The following PCDHGB4 variants were observed in gnomAD, a reference collection of about 807,000 sequenced individuals.
The protein encoded by PCDHGB4 is protocadherin gamma subfamily B, 4.
Under a neutral mutation model 60.5 loss-of-function variants are expected in PCDHGB4, and 38 were observed. The ratio of observed to expected loss-of-function variants is 0.63; its 90% CI spans 0.48 to 0.82. The LOEUF is 0.82. Ranked by LOEUF, PCDHGB4 falls within the 40% of genes least tolerant of loss-of-function variation. The pLI is 0.00. For synonymous variants in PCDHGB4, 456 were observed against 509.7 expected, an observed-to-expected ratio of 0.89 and a Z score of 1.42; for missense variants, 1,109 against 1,209.6, an observed-to-expected ratio of 0.92 and a Z score of 1.23.
chr5:141,486,869 C>G lies in PCDHGB4; in HGVS notation c.2398-7938C>G. On this transcript the variant is annotated intron_variant, in intron 1 of 3. Transcript: ENST00000519479. This position sits in a 1 kb window ranked among gnomAD's most constrained non-coding sequence, Gnocchi z 5.0. ...CCTCAATGACAATGCTCCAGCTGTG[C>G]TCCGTCCTCGGGCCCGGCCTGGTTC... The G allele has an allele frequency of 6.2e-7, 1 of 1,614,246 alleles. No homozygotes were observed. The highest frequency in any genetic ancestry group is 8.5e-7 in the Non-Finnish European group (1 of 1,180,042).
chr5:141,509,819 C>T (rs1008625658), intron 3 of PCDHGB4, among the ~76,000 whole-genome samples: 3 of 152,154 alleles, frequency 2.0e-5, no homozygotes, highest in African/African-American at 7.2e-5. Context: ...AGCTCTTCTC[C>T]ATCTTCTCTC....
Position 141,389,197 on chromosome 5 carries a change from T to C in PCDHGB4, c.1313T>C (p.Leu438Pro), listed in dbSNP as rs2091642576. 1 of 1,614,010 alleles carries C rather than the reference T, an allele frequency of 6.2e-7. No individual in the cohort carries two copies. Among genetic ancestry groups the C allele is most frequent in the East Asian group, 2.2e-5 (1 of 44,888 alleles). The change falls in exon 1 of 4, where the codon CTG (leucine) becomes CCG (proline). Residue 438 changes from leucine to proline, a missense_variant. Physicochemically the swap from Leu to Pro is moderately conservative, Grantham distance 98 (BLOSUM62 -3). Transcript: ENST00000519479. ...PPLSSSSSIT[L>P]HIGDVNDNAP... ...CTCTCCTCCAGTTCCAGCATCACCCTGCACATTGGTGATGTAAATGACAAC... is the reference window on the plus strand; with the variant it reads ...CTCTCCTCCAGTTCCAGCATCACCCCGCACATTGGTGATGTAAATGACAAC...
chr5:141,455,093 T>C (rs2098812615), intron 1 of PCDHGB4, among the ~76,000 whole-genome samples: 1 of 152,060 alleles, frequency 6.6e-6, no homozygotes, highest in African/African-American at 2.4e-5. Context: ...ATTACAGGCT[T>C]GAGCCACTGC....
chr5:141,433,234 C>T (rs773942024), intron 1 of PCDHGB4: 3 of 1,512,746 alleles, frequency 2.0e-6, no homozygotes, highest in Middle Eastern at 1.8e-4. Flanking sequence ...TGCTCTGTCT[C>T]CCAAGCTGGA....
chr5:141,476,357 C>T lies in PCDHGB4; in HGVS notation c.2398-18450C>T. On this transcript the variant is annotated intron_variant, in intron 1 of 3. Transcript: ENST00000519479. The surrounding 1 kb of genome is among the most constrained non-coding windows in gnomAD (Gnocchi z 7.6). ...TAGCCGAAGATTCTTTGAGGTGAAC[C>T]GGGAGACCGGAGAGATGTTTGTGAA... The T allele has an allele frequency of 6.2e-7, 1 of 1,614,052 alleles. No individual in the cohort carries two copies. The highest frequency in any genetic ancestry group is 2.2e-5 in the East Asian group (1 of 44,854).
At chr5:141,473,033 G>GGAAA (rs1282468299) in intron 1 of PCDHGB4, among the ~76,000 whole-genome samples, 1 of 146,284 alleles carries the variant, frequency 6.8e-6, no homozygotes, top group African/African-American at 2.5e-5. Flanking sequence ...AAGGAAGGAA[G>GGAAA]GAAAGAAAGA....
chr5:141,495,817 T>G (rs2099764054), intron 2 of PCDHGB4, among the ~76,000 whole-genome samples: 1 of 152,110 alleles, frequency 6.6e-6, no homozygotes, highest in African/African-American at 2.4e-5. Context: ...TAGCGCCTTG[T>G]GTTCTTCTAT....
intron 1 of PCDHGB4, chr5:141,427,783 C>T (rs765131117): frequency 1.4e-6 from 2 of 1,460,966 alleles, no homozygotes; most frequent in Non-Finnish European, 1.9e-6. Flanking sequence ...CGGGCACTGT[C>T]GTCCTACGTG....
chr5:141,432,632 G>A lies in PCDHGB4; in HGVS notation c.2397+42351G>A. 3.7e-6 allele frequency: 6 copies of A among 1,612,834 alleles called. No individual in the cohort carries two copies. The highest frequency in any genetic ancestry group is 5.1e-6 in the Non-Finnish European group (6 of 1,179,706). On this transcript the variant is annotated intron_variant, in intron 1 of 3. Coordinates refer to ENST00000519479, the MANE Select transcript of PCDHGB4 (RefSeq NM_003736.4). The surrounding 1 kb of genome is among the most constrained non-coding windows in gnomAD (Gnocchi z 6.0). ...CTTCTCGGTGGGTCTGCACACGGGC[G>A]AGGTGCGCACGGCGCGAGCCCTGCT...
Position 141,511,410 on chromosome 5 carries a change from T to TA in PCDHGB4, c.*238dup. On this transcript the variant is annotated 3_prime_UTR_variant, in exon 4 of 4. Coordinates refer to ENST00000519479, the MANE Select transcript of PCDHGB4 (RefSeq NM_003736.4). ...GGAACCCCCATCCAATCAACTGCTG[T>TA]ACCCATGGGGGTAGTGGGGTTACTG... The TA allele has an allele frequency of 1.1e-6, 1 of 908,822 alleles. No homozygotes were observed. The highest frequency in any genetic ancestry group is 1.6e-6 in the Non-Finnish European group (1 of 624,204). 56.3% of individuals were successfully genotyped at this position (908,822 alleles called of 1,614,324 possible).
At chr5:141,421,184 C>G (rs2096551183) in intron 1 of PCDHGB4, 1 of 1,457,940 alleles carries the variant, frequency 6.9e-7, no homozygotes, top group African/African-American at 1.4e-5. Context: ...CGATTCACAA[C>G]CAACCAGCTC....
intron 1 of PCDHGB4, among the ~76,000 whole-genome samples, chr5:141,482,207 G>T (rs983812650): frequency 6.6e-6 from 1 of 152,130 alleles, no homozygotes; most frequent in East Asian, 1.9e-4. Flanking sequence ...AAACAGACCA[G>T]GTACTTGTTT....
rs762866893 is a variant in PCDHGB4 at position 141,389,080 on chromosome 5, C to G, written c.1196C>G (p.Thr399Arg). ...AAAATATTAACTTCTTCAAGAAACA[C>G]GTATAAATTAGTGACAGATGCTGTT... ...PFKILTSSRN[T>R]YKLVTDAVLD... The change falls in exon 1 of 4, where the codon ACG becomes AGG. Residue 399 changes from threonine (T) to arginine (R), a missense_variant. By Grantham distance (71) the Thr-to-Arg change is moderately conservative (BLOSUM62 -1). Transcript: ENST00000519479. 7 of 1,613,984 alleles carry G rather than the reference C, an allele frequency of 4.3e-6. No individual in the cohort carries two copies. The South Asian group carries it at 5.5e-5, about 13-fold the overall frequency.
At position 141,487,398 on chromosome 5, in the gene PCDHGB4, G is replaced by A. The variant is rs1342197934; in HGVS notation, c.2398-7409G>A. 1.9e-6 allele frequency: 3 copies of A among 1,613,926 alleles called. No individual in the cohort carries two copies. The African/African-American group carries it at 4.0e-5, about 22-fold the overall frequency. ...CTCACCAGATCTCGAAGGAGGGAGGGGCTTCCCCCTTCCAATGGGATCCTC... is the reference window on the plus strand; with the variant it reads ...CTCACCAGATCTCGAAGGAGGGAGGAGCTTCCCCCTTCCAATGGGATCCTC... On this transcript the variant is annotated intron_variant, in intron 1 of 3. Transcript: ENST00000519479. The surrounding 1 kb of genome is among the most constrained non-coding windows in gnomAD (Gnocchi z 5.0).
intron 1 of PCDHGB4, chr5:141,414,233 T>C: frequency 1.2e-6 from 2 of 1,613,474 alleles, no homozygotes; most frequent in African/African-American, 2.7e-5. Context: ...GAGCTGACCA[T>C]CACGTCTCTA....
chr5:141,417,211 T>C (rs1027777607), intron 1 of PCDHGB4: 1 of 152,174 alleles, frequency 6.6e-6, no homozygotes, highest in Admixed American at 6.5e-5. Context: ...TAGGCTAGAA[T>C]TGAAGACAAA....
At chr5:141,455,058 C>G (rs1350223657) in intron 1 of PCDHGB4, among the ~76,000 whole-genome samples, 9 of 151,814 alleles carry the variant, frequency 5.9e-5, no homozygotes, top group Admixed American at 5.9e-4. Context: ...GTGATCCGCC[C>G]GCCTCGGCCT....
chr5:141,421,817 T>A (rs375019903), intron 1 of PCDHGB4: 34 of 1,613,662 alleles, frequency 2.1e-5, no homozygotes, highest in Non-Finnish European at 2.8e-5. Context: ...GAGCTAGTAC[T>A]GGAGGGAAGC....
At chr5:141,407,276 T>C (rs1393118660) in intron 1 of PCDHGB4, among the ~76,000 whole-genome samples, 2 of 152,292 alleles carry the variant, frequency 1.3e-5, no homozygotes, top group East Asian at 3.9e-4. Context: ...AACAAGAAAA[T>C]TGTTACAATT....
Sources: gnomAD v4.1 joint callset for allele counts (sites outside exome capture counted in the v4.1 genomes callset) on GRCh38, gnomAD v4.1.1 for gene constraint, Gnocchi (gnomAD v3.1) non-coding constraint, MANE v1.5 for transcripts, NCBI Gene and HGNC (gene_info 2026-07-23, HGNC 2026-07-21) for gene names.